TOX: variants seen among roughly 807,000 people sequenced by gnomAD.
The protein encoded by TOX is thymocyte selection associated high mobility group box.
TOX carries 11 observed loss-of-function variants against 53.7 expected under a neutral mutation model. The ratio of observed to expected loss-of-function variants is 0.20; its 90% confidence interval spans 0.13 to 0.34. The LOEUF is 0.34. Ranked by LOEUF, TOX falls within the 10% of genes least tolerant of loss-of-function variation. TOX has a pLI of 1.00. For synonymous variants in TOX, 225 were observed against 245.3 expected (o/e 0.92, Z 0.77); for missense variants, 570 against 664.6 (o/e 0.86, Z 1.56).
At chr8:58,884,750 G>A (rs1811438784) in intron 3 of TOX, among the ~76,000 whole-genome samples, 1 of 151,976 alleles carries the variant, frequency 6.6e-6, no homozygotes, top group Non-Finnish European at 1.5e-5. Context: ...TTTAACTTTG[G>A]TTATTCCATA....
chr8:58,987,234 G>A (rs184588265), intron 1 of TOX, among the ~76,000 whole-genome samples: 1 of 152,278 alleles, frequency 6.6e-6, no homozygotes, highest in Admixed American at 6.5e-5. Flanking sequence ...AAACCAAGGA[G>A]GCACTTGCCT....
chr8:58,815,797 A>C, intron 6 of TOX, 73 bp from the exon 7 acceptor site: 1 of 1,487,910 alleles, frequency 6.7e-7, no homozygotes, highest in Non-Finnish European at 9.0e-7. Flanking sequence ...ACGCTTTGTG[A>C]GTTTATTAAA....
chr8:58,900,874 C>T (rs993855474), intron 3 of TOX, among the ~76,000 whole-genome samples: 5 of 152,002 alleles, frequency 3.3e-5, no homozygotes, highest in African/African-American at 7.2e-5. Flanking sequence ...CTGAGACCTT[C>T]GTTGAAATGA....
chr8:59,051,865 T>C (rs964515873), intron 1 of TOX, among the ~76,000 whole-genome samples: 5 of 152,138 alleles, frequency 3.3e-5, no homozygotes, highest in Admixed American at 1.3e-4. Context: ...AAAAATTAAA[T>C]GGAGAAGTTT....
intron 1 of TOX, among the ~76,000 whole-genome samples, chr8:59,002,939 T>C (rs939215643): frequency 2.0e-5 from 3 of 152,232 alleles, no homozygotes; most frequent in African/African-American, 7.2e-5. Flanking sequence ...TGCTTATAAA[T>C]GCTGGTGAAG....
In TOX at chr8:58,998,536, T is replaced by TAATAAATTTATATGTA. The variant is rs11272464; in HGVS notation, c.103-38529_103-38528insTACATATAAATTTATT. Among the ~76,000 whole-genome samples the TAATAAATTTATATGTA allele has an allele frequency of 8.2e-4, 31 of 37,746 alleles. 3 individuals are homozygous for TAATAAATTTATATGTA. The highest frequency in any genetic ancestry group is 3.2e-3 in the South Asian group (3 of 952). The allele number at this position is 37,746 out of a possible 152,430, so 24.8% of individuals were successfully genotyped here. On this transcript the variant is annotated intron_variant, in intron 1 of 8. Transcript: ENST00000361421. ...ATATATATATATATATATATATATA[T>TAATAAATTTATATGTA]ATAAATTTATATATAATAAATTTAT...
rs935342844 is a variant in TOX at position 59,048,717 on chromosome 8, A to G, written c.102+70169T>C. Among the ~76,000 whole-genome samples the G allele has an allele frequency of 6.6e-5, 10 of 152,182 alleles. No homozygotes were observed. The East Asian group carries it at 1.9e-3, about 29-fold the overall frequency. On this transcript the variant is annotated intron_variant, in intron 1 of 8. Coordinates refer to ENST00000361421, the MANE Select transcript of TOX (RefSeq NM_014729.3). Reference sequence around the variant, plus strand: ...TTTTGTGGGTGCACAGGAGATTTGTATATTTATGAGTTACATGAGATATTT... The same window carrying G: ...TTTTGTGGGTGCACAGGAGATTTGTGTATTTATGAGTTACATGAGATATTT...
intron 3 of TOX, among the ~76,000 whole-genome samples, chr8:58,899,075 A>T (rs1282096139): frequency 6.6e-6 from 1 of 152,122 alleles, no homozygotes; most frequent in Non-Finnish European, 1.5e-5. Flanking sequence ...GCCTTCTTTA[A>T]TGGTAGCTCC....
At chr8:59,029,198 T>C (rs967021502) in intron 1 of TOX, among the ~76,000 whole-genome samples, 1 of 152,252 alleles carries the variant, frequency 6.6e-6, no homozygotes, top group East Asian at 1.9e-4. Context: ...CATTTTTAGT[T>C]AGATGGAATA....
At chr8:58,957,070 AGCTG>A (rs779553541) in intron 2 of TOX, among the ~76,000 whole-genome samples, 13 of 152,214 alleles carry the variant, frequency 8.5e-5, no homozygotes, top group Non-Finnish European at 1.8e-4. Flanking sequence ...GTTTCTGACC[AGCTG>A]CTCATCTGGC....
chr8:58,957,400 A>T (rs1313919557), intron 2 of TOX, among the ~76,000 whole-genome samples: 2 of 152,198 alleles, frequency 1.3e-5, no homozygotes, highest in Non-Finnish European at 2.9e-5. Flanking sequence ...TTCAATTTAA[A>T]AGCTGCCTAT....
At chr8:59,075,653 C>A (rs1393136289) in intron 1 of TOX, among the ~76,000 whole-genome samples, 1 of 152,122 alleles carries the variant, frequency 6.6e-6, no homozygotes, top group African/African-American at 2.4e-5. Flanking sequence ...TATTTTTCCT[C>A]CCCTACATCT....
chr8:58,815,678 A>T lies in TOX; in HGVS notation c.1052T>A (p.Leu351Gln). ...VDVKTSQPPQLINSKPSVFHG... is the reference protein window; with the variant it reads ...VDVKTSQPPQQINSKPSVFHG... Reference sequence around the variant, plus strand: ...GAACACCGACGGCTTCGAATTGATCAGCTGAGGAGGTTGAGATGTCTTCAC... The same window carrying T: ...GAACACCGACGGCTTCGAATTGATCTGCTGAGGAGGTTGAGATGTCTTCAC... Residue 351 changes from leucine to glutamine, a missense_variant, in exon 7 of 9, where the codon CTG becomes CAG. Coordinates refer to ENST00000361421, the MANE Select transcript of TOX (RefSeq NM_014729.3). The T allele has an allele frequency of 1.9e-6, 3 of 1,613,990 alleles. No homozygotes were observed. In the South Asian group the frequency reaches 3.3e-5, roughly 18 times the overall value.
intron 1 of TOX, among the ~76,000 whole-genome samples, chr8:59,004,855 C>CT (rs936032729): frequency 3.9e-5 from 6 of 152,104 alleles, no homozygotes; most frequent in African/African-American, 1.4e-4. Flanking sequence ...AAACATAATA[C>CT]TTTTTTGTGG....
At chr8:58,915,404 G>A (rs1188064635) in intron 3 of TOX, among the ~76,000 whole-genome samples, 33 of 91,710 alleles carry the variant, frequency 3.6e-4, no homozygotes, top group South Asian at 9.3e-4. Context: ...CCTGACCCCC[G>A]AGCAGCCTAA....
chr8:59,026,255 G>A (rs966434666), intron 1 of TOX, among the ~76,000 whole-genome samples: 7 of 152,090 alleles, frequency 4.6e-5, no homozygotes, highest in African/African-American at 1.7e-4. Flanking sequence ...CCATGTCACT[G>A]TGATGACCTA....
chr8:58,836,885 C>T (rs1218658784), intron 5 of TOX, among the ~76,000 whole-genome samples: 1 of 152,144 alleles, frequency 6.6e-6, no homozygotes, highest in African/African-American at 2.4e-5. Context: ...AGAACAGTGC[C>T]TGGCACATAA....
chr8:59,081,292 G>C (rs968714960), intron 1 of TOX, among the ~76,000 whole-genome samples: 1 of 152,164 alleles, frequency 6.6e-6, no homozygotes, highest in African/African-American at 2.4e-5. Context: ...CTCCCAAAGT[G>C]CTGGGATTAC....
intron 3 of TOX, among the ~76,000 whole-genome samples, chr8:58,865,263 C>A (rs1161265842): frequency 6.6e-6 from 1 of 152,000 alleles, no homozygotes; most frequent in Admixed American, 6.6e-5. Context: ...GTGGTCCCTG[C>A]CATTATATAT....
Sources: allele counts gnomAD v4.1 joint callset (sites outside exome capture counted in the v4.1 genomes callset), GRCh38; gene constraint gnomAD v4.1.1; transcripts MANE v1.5; gene names NCBI Gene and HGNC (gene_info 2026-07-23, HGNC 2026-07-21).